Variants in PTPRD observed in about 807,000 individuals in gnomAD.
The protein encoded by PTPRD is protein tyrosine phosphatase receptor type D.
A neutral mutation model predicts 214.5 loss-of-function variants in PTPRD; 34 were observed. The ratio of observed to expected loss-of-function variants is 0.16; its 90% CI spans 0.12 to 0.21. The LOEUF is 0.21. Ranked by LOEUF, PTPRD falls within the 10% of genes least tolerant of loss-of-function variation. The pLI, the probability that PTPRD is intolerant of heterozygous loss-of-function variation, is 1.00. For missense variants in PTPRD, 2,545 were observed against 2,398.7 expected (o/e 1.06, Z -1.27); for synonymous variants, 1,128 against 845.7 (o/e 1.33, Z -5.79).
intron 33 of PTPRD, among the ~76,000 whole-genome samples, chr9:8,455,825 G>C (rs1013343511): frequency 6.6e-6 from 1 of 152,142 alleles, no homozygotes; most frequent in Non-Finnish European, 1.5e-5. Context: ...AAAAATCTAT[G>C]CCTCAGGATG....
intron 3 of PTPRD, among the ~76,000 whole-genome samples, chr9:10,300,227 G>A (rs538620130): frequency 1.1e-3 from 172 of 152,282 alleles, no homozygotes; most frequent in Middle Eastern, 3.4e-3. Context: ...TTGCTGGCAA[G>A]ATGGCCGAAT....
chr9:9,982,454 T>C (rs1378084180), intron 4 of PTPRD, among the ~76,000 whole-genome samples: 3 of 69,568 alleles, frequency 4.3e-5, no homozygotes, highest in East Asian at 5.3e-4. Flanking sequence ...TAGATACATA[T>C]ATTGTTGTTG....
At chr9:9,731,618 C>A (rs1046926758) in intron 7 of PTPRD, among the ~76,000 whole-genome samples, 1 of 151,998 alleles carries the variant, frequency 6.6e-6, no homozygotes, top group African/African-American at 2.4e-5. Context: ...CCTCCCTACA[C>A]CCCACAATGC....
chr9:10,042,715 T>C (rs1023344658), intron 3 of PTPRD, among the ~76,000 whole-genome samples: 6 of 151,930 alleles, frequency 3.9e-5, no homozygotes, highest in African/African-American at 1.2e-4. Flanking sequence ...GACTGAAGGC[T>C]ACATTGGTAG....
At chr9:9,985,511 TGAAACA>T (rs968793893) in intron 4 of PTPRD, among the ~76,000 whole-genome samples, 1 of 152,098 alleles carries the variant, frequency 6.6e-6, no homozygotes, top group African/African-American at 2.4e-5. Context: ...AGTCAAATAT[TGAAACA>T]AATGATGTGC....
At chr9:8,861,116 T>C (rs2098095428) in intron 11 of PTPRD, 1 of 152,000 alleles carries the variant, frequency 6.6e-6, no homozygotes. Flanking sequence ...CAGCATACGA[T>C]GAGTATGAGT....
intron 7 of PTPRD, among the ~76,000 whole-genome samples, chr9:9,645,069 G>T (rs948931316): frequency 6.6e-6 from 1 of 152,208 alleles, no homozygotes; most frequent in Non-Finnish European, 1.5e-5. Context: ...TGCTAAAAGA[G>T]CATTAATTGT....
intron 9 of PTPRD, among the ~76,000 whole-genome samples, chr9:9,352,057 C>T (rs1006754925): frequency 6.6e-6 from 1 of 151,868 alleles, no homozygotes; most frequent in African/African-American, 2.4e-5. Context: ...ATCCTCCTGC[C>T]TTGACTTCCC....
intron 10 of PTPRD, among the ~76,000 whole-genome samples, chr9:9,115,468 G>T (rs1016670266): frequency 6.6e-6 from 1 of 152,068 alleles, no homozygotes; most frequent in Non-Finnish European, 1.5e-5. Flanking sequence ...TTACTAAAAA[G>T]TAAAAAACAA....
chr9:10,258,142 C>G (rs1311635624), intron 3 of PTPRD, among the ~76,000 whole-genome samples: 1 of 152,130 alleles, frequency 6.6e-6, no homozygotes, highest in Non-Finnish European at 1.5e-5. Context: ...TGTATTATCC[C>G]AACAGATATC....
intron 11 of PTPRD, among the ~76,000 whole-genome samples, chr9:8,858,679 G>T (rs1462687537): frequency 9.8e-6 from 1 of 101,832 alleles, no homozygotes; most frequent in South Asian, 3.4e-4. Context: ...CCGGACGCGG[G>T]GAGAGCTGGG....
intron 5 of PTPRD, among the ~76,000 whole-genome samples, chr9:9,773,363 T>C (rs1448219777): frequency 6.6e-6 from 1 of 152,180 alleles, no homozygotes; most frequent in Admixed American, 6.5e-5. Flanking sequence ...AGTTATAATA[T>C]ATGAATACAA....
At chr9:9,989,670 G>T (rs1242647125) in intron 4 of PTPRD, among the ~76,000 whole-genome samples, 1 of 152,322 alleles carries the variant, frequency 6.6e-6, no homozygotes, top group East Asian at 1.9e-4. Flanking sequence ...GTGGGTGCAA[G>T]AGGCTGTCGC....
intron 12 of PTPRD, among the ~76,000 whole-genome samples, chr9:8,687,741 GTTT>G (rs34897285): frequency 3.4e-5 from 5 of 145,950 alleles, no homozygotes; most frequent in Non-Finnish European, 7.6e-5. Flanking sequence ...TAAAATAAGA[GTTT>G]TTTTTTTTTT....
In PTPRD at chr9:9,806,004, A is replaced by G. The variant is rs191401769; in HGVS notation, c.-367-39153T>C. On this transcript the variant is annotated intron_variant, in intron 5 of 45. Coordinates refer to ENST00000381196, the MANE Select transcript of PTPRD (RefSeq NM_002839.4). ...AGCTTTTAGAGGGAATGGTGATCCT[A>G]ACCCTCAAGTGGTTTACCATGCAAA... Among the ~76,000 whole-genome samples, 575 of 152,310 alleles carry G rather than the reference A, an allele frequency of 3.8e-3. 5 individuals carry two copies. The highest frequency in any genetic ancestry group is 0.013 in the African/African-American group (542 of 41,572).
At chr9:10,328,539 C>T (rs531190891) in intron 3 of PTPRD, among the ~76,000 whole-genome samples, 1 of 151,786 alleles carries the variant, frequency 6.6e-6, no homozygotes, top group East Asian at 1.9e-4. Flanking sequence ...CATGGAGAAA[C>T]AAAGTCACTT....
chr9:10,181,942 TAA>T (rs3075573), intron 3 of PTPRD, among the ~76,000 whole-genome samples: 112 of 38,512 alleles, frequency 2.9e-3, no homozygotes, highest in South Asian at 0.022. Context: ...TCATAAATAC[TAA>T]AAAAAAAAAA....
intron 13 of PTPRD, among the ~76,000 whole-genome samples, chr9:8,636,027 C>G (rs1018215467): frequency 6.6e-6 from 1 of 152,152 alleles, no homozygotes; most frequent in Non-Finnish European, 1.5e-5. Context: ...CAATATCAAC[C>G]TGTTTGCATG....
At chr9:9,367,244 G>A (rs1263699851) in intron 9 of PTPRD, among the ~76,000 whole-genome samples, 2 of 151,492 alleles carry the variant, frequency 1.3e-5, no homozygotes, top group African/African-American at 2.4e-5. Context: ...TACAGTGGGG[G>A]AGGTGGAATT....
Sources: allele counts gnomAD v4.1 joint callset (sites outside exome capture counted in the v4.1 genomes callset), GRCh38; gene constraint gnomAD v4.1.1; transcripts MANE v1.5; gene names NCBI Gene and HGNC (gene_info 2026-07-23, HGNC 2026-07-21).